The following PDE10A variants were observed in gnomAD, a reference collection of about 807,000 sequenced individuals.
PDE10A encodes the protein cAMP and cAMP-inhibited cGMP 3',5'-cyclic phosphodiesterase 10A.
Under a neutral mutation model 97.7 loss-of-function variants are expected in PDE10A, and 39 were observed. The ratio of observed to expected loss-of-function variants is 0.40; its 90% CI spans 0.31 to 0.52. The LOEUF is 0.52. Ranked by LOEUF, PDE10A falls within the 20% of genes least tolerant of loss-of-function variation. The pLI, the probability that PDE10A is intolerant of heterozygous loss-of-function variation, is 0.56. For missense variants in PDE10A, 731 were observed against 1,047.8 expected (o/e 0.70, Z 4.17); for synonymous variants, 371 against 376.8 (o/e 0.98, Z 0.18).
At chr6:165,826,734 C>A (rs1779766311) in intron 1 of PDE10A, among the ~76,000 whole-genome samples, 1 of 149,096 alleles carries the variant, frequency 6.7e-6, no homozygotes, top group Non-Finnish European at 1.5e-5. Flanking sequence ...ATCTGTCATC[C>A]AACTTGGCAA....
chr6:165,413,767 C>T, intron 12 of PDE10A, 80 bp from the exon 13 acceptor site: 1 of 1,166,728 alleles, frequency 8.6e-7, no homozygotes, highest in Non-Finnish European at 1.2e-6. Flanking sequence ...CATAAATCTC[C>T]CCTCAATCTT....
intron 1 of PDE10A, among the ~76,000 whole-genome samples, chr6:165,824,338 C>G (rs528580840): frequency 6.6e-6 from 1 of 152,180 alleles, no homozygotes; most frequent in Non-Finnish European, 1.5e-5. Context: ...GTTCAATCCC[C>G]AAATATCAGA....
At chr6:165,537,966 A>T (rs1783194085) in intron 2 of PDE10A, among the ~76,000 whole-genome samples, 4 of 151,910 alleles carry the variant, frequency 2.6e-5, no homozygotes, top group Admixed American at 2.6e-4. Context: ...CACTTACTAA[A>T]CCTTCCAACA....
intron 2 of PDE10A, among the ~76,000 whole-genome samples, chr6:165,521,372 A>T (rs987281977): frequency 3.2e-4 from 49 of 152,184 alleles, no homozygotes; most frequent in African/African-American, 1.1e-3. Context: ...GAAGAGTCAC[A>T]TACCTCTAAC....
At chr6:165,480,172 A>C (rs1779522196) in intron 3 of PDE10A, among the ~76,000 whole-genome samples, 1 of 151,964 alleles carries the variant, frequency 6.6e-6, no homozygotes. Context: ...TTACTAGAAA[A>C]GACATAACAT....
intron 17 of PDE10A, among the ~76,000 whole-genome samples, chr6:165,386,126 C>T (rs1378132497): frequency 6.6e-6 from 1 of 152,100 alleles, no homozygotes; most frequent in Non-Finnish European, 1.5e-5. Flanking sequence ...AGGAACACCG[C>T]CTTAAGTAAT....
At chr6:165,692,299 G>A (rs1791324104) in intron 1 of PDE10A, among the ~76,000 whole-genome samples, 1 of 152,180 alleles carries the variant, frequency 6.6e-6, no homozygotes, top group South Asian at 2.1e-4. Context: ...GATCAAGCGT[G>A]CTAAATTCTC....
intron 1 of PDE10A, among the ~76,000 whole-genome samples, chr6:165,802,222 G>T (rs537844708): frequency 1.3e-5 from 2 of 152,224 alleles, no homozygotes; most frequent in South Asian, 4.2e-4. Flanking sequence ...TTATCCATTT[G>T]CACACTCCAG....
chr6:165,630,700 T>G (rs1335929128), intron 1 of PDE10A, among the ~76,000 whole-genome samples: 1 of 152,168 alleles, frequency 6.6e-6, no homozygotes, highest in Admixed American at 6.5e-5. Flanking sequence ...CTGTAAATTC[T>G]TGGAGATACA....
intron 1 of PDE10A, among the ~76,000 whole-genome samples, chr6:165,928,814 A>G (rs1021296271): frequency 3.3e-5 from 5 of 152,116 alleles, no homozygotes; most frequent in Admixed American, 2.6e-4. Context: ...TTTTCTCAAC[A>G]AGCAATTGCT....
chr6:165,360,627 T>C (rs2128192529), intron 18 of PDE10A, among the ~76,000 whole-genome samples: 1 of 152,202 alleles, frequency 6.6e-6, no homozygotes, highest in African/African-American at 2.4e-5. Flanking sequence ...GAGGAGAAAC[T>C]GGGGAAGAGG....
intron 1 of PDE10A, among the ~76,000 whole-genome samples, chr6:165,582,532 G>GA (rs757044975): frequency 2.9e-4 from 44 of 149,712 alleles, no homozygotes; most frequent in African/African-American, 1.1e-3. Context: ...AATGCACAAT[G>GA]AAAAAACCAC....
chr6:165,651,882 A>T (rs75611302), intron 1 of PDE10A, among the ~76,000 whole-genome samples: 4,194 of 152,284 alleles, frequency 0.028, 164 homozygotes, highest in East Asian at 0.2. Context: ...AGTATCCTCA[A>T]ATCATGTATT....
chr6:165,458,769 G>A (rs1417208632), intron 3 of PDE10A, among the ~76,000 whole-genome samples: 3 of 152,098 alleles, frequency 2.0e-5, no homozygotes, highest in African/African-American at 7.2e-5. Flanking sequence ...ACACTTCAGT[G>A]TGCATTTCCC....
At chr6:165,917,552 T>A (rs1583281713) in intron 1 of PDE10A, among the ~76,000 whole-genome samples, 1 of 152,176 alleles carries the variant, frequency 6.6e-6, no homozygotes, top group Non-Finnish European at 1.5e-5. Context: ...AGGGCAAATT[T>A]AGGGAAAAGA....
chr6:165,832,894 T>C (rs1166566701), intron 1 of PDE10A, among the ~76,000 whole-genome samples: 1 of 152,160 alleles, frequency 6.6e-6, no homozygotes, highest in Admixed American at 6.5e-5. Flanking sequence ...AAATTCACAA[T>C]ACTGAGGTTG....
chr6:165,973,971 C>T (rs1415657650), intron 1 of PDE10A, among the ~76,000 whole-genome samples: 1 of 152,128 alleles, frequency 6.6e-6, no homozygotes, highest in Non-Finnish European at 1.5e-5. Flanking sequence ...TAGTTTTATC[C>T]TTATATTTTC....
At chr6:165,532,006 A>G (rs2128315213) in intron 2 of PDE10A, among the ~76,000 whole-genome samples, 1 of 152,302 alleles carries the variant, frequency 6.6e-6, no homozygotes, top group South Asian at 2.1e-4. Context: ...AACAACAACA[A>G]TTTAAAAACC....
intron 15 of PDE10A, among the ~76,000 whole-genome samples, chr6:165,393,230 G>A (rs1043463508): frequency 3.3e-5 from 5 of 152,092 alleles, no homozygotes; most frequent in Non-Finnish European, 5.9e-5. Context: ...CTGCAAATAT[G>A]TATATCATGA....
Sources: allele counts gnomAD v4.1 joint callset (sites outside exome capture counted in the v4.1 genomes callset), GRCh38; gene constraint gnomAD v4.1.1; transcripts MANE v1.5; gene names NCBI Gene and HGNC (gene_info 2026-07-23, HGNC 2026-07-21).